The following GCSH variants were observed in gnomAD, a reference collection of about 807,000 sequenced individuals.
GCSH encodes glycine cleavage system protein H, also known as glycine cleavage system H protein, mitochondrial.
In GCSH, 15 loss-of-function variants were observed where a neutral mutation model predicts 21.3. The ratio of observed to expected loss-of-function variants is 0.70; its 90% CI spans 0.47 to 1.08. GCSH has a LOEUF of 1.08. Ranked by LOEUF, GCSH falls within the 50% of genes least tolerant of loss-of-function variation. The pLI is 0.00. For synonymous variants in GCSH, 59 were observed against 84.5 expected (o/e 0.70, Z 1.66); for missense variants, 179 against 217.5 (o/e 0.82, Z 1.11).
At chr16:81,088,561 G>C (rs1329632494) in intron 2 of GCSH, among the ~76,000 whole-genome samples, 1 of 152,106 alleles carries the variant, frequency 6.6e-6, no homozygotes, top group Non-Finnish European at 1.5e-5. Context: ...ACCATGCCTG[G>C]TTAATTTTTT....
rs942622185 is a variant in GCSH at position 81,087,307 on chromosome 16, C to G, written c.292+294G>C. ...TTGGGAGGCCAAGGCGGGCGGATCA[C>G]TCGAGGTCAGGAGTTCGAGACCAGC... On this transcript the variant is annotated intron_variant, in intron 3 of 4. Coordinates refer to ENST00000315467, the MANE Select transcript of GCSH (RefSeq NM_004483.5). Among the ~76,000 whole-genome samples the G allele has an allele frequency of 7.9e-5, 12 of 152,092 alleles. 1 individual carries two copies. In the South Asian group the frequency reaches 1.0e-3, roughly 13 times the overall value.
At chr16:81,082,999 CT>C in intron 4 of GCSH, 36 bp from the exon 5 acceptor site, 1 of 1,311,090 alleles carries the variant, frequency 7.6e-7, no homozygotes. Context: ...TCCACATTAA[CT>C]TTTTAAAAAG....
At chr16:81,083,145 A>C (rs2151765922) in intron 4 of GCSH, 182 bp from the exon 5 acceptor site, 1 of 620,472 alleles carries the variant, frequency 1.6e-6, no homozygotes, top group Non-Finnish European at 2.9e-6. Flanking sequence ...TAACAAATGA[A>C]AATAATTATG....
chr16:81,094,475 A>C (rs1477073993), intron 1 of GCSH, among the ~76,000 whole-genome samples: 1 of 151,880 alleles, frequency 6.6e-6, no homozygotes, highest in Non-Finnish European at 1.5e-5. Flanking sequence ...ACTGGATGCC[A>C]GCCTGGGCGA....
chr16:81,084,691 G>T, intron 3 of GCSH, 97 bp from the exon 4 acceptor site: 1 of 832,850 alleles, frequency 1.2e-6, no homozygotes, highest in East Asian at 2.7e-5. Flanking sequence ...ATACAGCTAT[G>T]ATTTTAAAAT....
intron 4 of GCSH, chr16:81,084,225 C>A: frequency 1.7e-6 from 1 of 592,314 alleles, no homozygotes; most frequent in Non-Finnish European, 3.0e-6. Context: ...GCAATCCACC[C>A]ACCTTGGCCT....
At chr16:81,093,578 C>T (rs917723974) in intron 1 of GCSH, among the ~76,000 whole-genome samples, 17 of 151,870 alleles carry the variant, frequency 1.1e-4, no homozygotes, top group Admixed American at 3.3e-4. Context: ...CAGTGGCTCT[C>T]GCCTGTAATC....
intron 1 of GCSH, 35 bp from the exon 2 acceptor site, chr16:81,090,715 A>AATGCTACT: frequency 2.1e-6 from 3 of 1,418,590 alleles, no homozygotes; most frequent in South Asian, 1.1e-5. Context: ...GAAAAGCAGT[A>AATGCTACT]GCATTACTTC....
intron 1 of GCSH, among the ~76,000 whole-genome samples, chr16:81,092,428 A>AT (rs569141794): frequency 6.6e-6 from 1 of 150,898 alleles, no homozygotes; most frequent in Non-Finnish European, 1.5e-5. Context: ...GAATGAAATA[A>AT]TTTTTTTTTT....
chr16:81,090,523 A>G (rs1972377143), intron 2 of GCSH, 78 bp downstream of exon 2: 12 of 1,010,228 alleles, frequency 1.2e-5, no homozygotes, highest in Non-Finnish European at 1.7e-5. Context: ...CACGCAGCCT[A>G]AACACTTTTA....
chr16:81,087,917 G>A (rs74979892), intron 2 of GCSH, among the ~76,000 whole-genome samples: 1 of 152,138 alleles, frequency 6.6e-6, no homozygotes, highest in Non-Finnish European at 1.5e-5. Flanking sequence ...CATGAGGTCA[G>A]AAGTTCGAGA....
At chr16:81,090,707 A>G (rs369366217) in intron 1 of GCSH, 27 bp from the exon 2 acceptor site, 24 of 1,487,978 alleles carry the variant, frequency 1.6e-5, no homozygotes, top group Non-Finnish European at 2.3e-5. Flanking sequence ...ACATTTCAGA[A>G]AAGCAGTAGC....
At chr16:81,093,552 C>G (rs1972441949) in intron 1 of GCSH, among the ~76,000 whole-genome samples, 1 of 152,000 alleles carries the variant, frequency 6.6e-6, no homozygotes, top group Non-Finnish European at 1.5e-5. Flanking sequence ...TGTTACCCCT[C>G]AGTCCTGGCC....
chr16:81,093,709 C>T (rs1466940667), intron 1 of GCSH, among the ~76,000 whole-genome samples: 2 of 151,676 alleles, frequency 1.3e-5, no homozygotes, highest in African/African-American at 2.4e-5. Flanking sequence ...GGTATGGTGG[C>T]GGGCACCTAT....
At position 81,084,482 on chromosome 16, in the gene GCSH, G is replaced by C; in HGVS notation, c.405C>G (p.Asn135Lys). The C allele has an allele frequency of 1.2e-6, 2 of 1,610,214 alleles. No homozygotes were observed. The highest frequency in any genetic ancestry group is 1.3e-5 in the African/African-American group (1 of 74,938). ...GCTTACCATCTTCATAACAAGATTT[G>C]TTTACAAGTCCTGGATTTTCTGCAA... The part of the protein sequence containing the change: ...EALAENPGLV[N>K]KSCYEDGWLI... The change falls in exon 4 of 5, where the codon AAC becomes AAG. Residue 135 changes from asparagine to lysine, a missense_variant. Coordinates refer to ENST00000315467, the MANE Select transcript of GCSH (RefSeq NM_004483.5).
chr16:81,087,514 CTAAT>C (rs1972307803), intron 3 of GCSH, 83 bp downstream of exon 3: 20 of 948,056 alleles, frequency 2.1e-5, no homozygotes, highest in South Asian at 2.1e-4. Context: ...AAAAAGCACT[CTAAT>C]TAATCCAGGG....
chr16:81,084,523 C>A lies in GCSH; in HGVS notation c.364G>T (p.Glu122Ter). The change falls in exon 4 of 5, where the codon GAA (glutamate) becomes TAA (stop). Residue 122 changes from glutamate to a stop codon, truncating the protein, a stop_gained. Coordinates refer to ENST00000315467, the MANE Select transcript of GCSH (RefSeq NM_004483.5). LOFTEE classifies it high-confidence loss of function. The stretch of plus-strand genomic sequence containing the variant: ...TTTTCTGCAAGAGCTTCATTAATTT[C>A]AGTTACTTCTCCTGATAAAGGAGAA... ...LYSPLSGEVT[E>*]INEALAENPG... 6.2e-7 allele frequency: 1 copy of A among 1,600,950 alleles called. No homozygotes were observed.
intron 3 of GCSH, among the ~76,000 whole-genome samples, chr16:81,085,151 A>G (rs1443146050): frequency 6.6e-6 from 1 of 150,768 alleles, no homozygotes; most frequent in African/African-American, 2.4e-5. Context: ...AGTAGCTAGG[A>G]TTACAGGCGC....
At chr16:81,088,605 T>C (rs540952650) in intron 2 of GCSH, among the ~76,000 whole-genome samples, 4 of 152,206 alleles carry the variant, frequency 2.6e-5, no homozygotes, top group African/African-American at 9.6e-5. Flanking sequence ...TTTCACCATG[T>C]TGGCCAGCTG....
Sources: allele counts gnomAD v4.1 joint callset (sites outside exome capture counted in the v4.1 genomes callset), GRCh38; gene constraint gnomAD v4.1.1; transcripts MANE v1.5; gene names NCBI Gene and HGNC (gene_info 2026-07-23, HGNC 2026-07-21).